The following TDRP variants were observed in gnomAD, a reference collection of about 807,000 sequenced individuals.
TDRP encodes testis development related protein.
TDRP carries 12 observed loss-of-function variants against 10.5 expected under a neutral mutation model. The observed-to-expected ratio is 1.15, with a 90% CI of 0.73 to 1.86. The LOEUF is 1.86. Ranked by LOEUF, TDRP falls within the 40% of genes most tolerant of loss-of-function variation. The probability of loss-of-function intolerance (pLI) is 0.00; values close to 1 mark genes in which losing one functional copy is unlikely to be tolerated. For synonymous variants in TDRP, 139 were observed against 95.4 expected, an observed-to-expected ratio of 1.46 and a Z score of -2.67; for missense variants, 353 against 229.2, an observed-to-expected ratio of 1.54 and a Z score of -3.49.
intron 1 of TDRP, among the ~76,000 whole-genome samples, chr8:540,759 T>G (rs1378462903): frequency 6.6e-6 from 1 of 150,786 alleles, no homozygotes; most frequent in African/African-American, 2.4e-5. Flanking sequence ...TTTTGAATGC[T>G]TCACATTTCA....
chr8:543,304 C>A (rs1038522586), intron 1 of TDRP, among the ~76,000 whole-genome samples: 5 of 151,992 alleles, frequency 3.3e-5, no homozygotes, highest in African/African-American at 1.2e-4. Context: ...CGGGGCAAGA[C>A]CCTGTCTCAA....
chr8:544,337 G>A (rs1250076635), intron 1 of TDRP, among the ~76,000 whole-genome samples: 2 of 151,990 alleles, frequency 1.3e-5, no homozygotes, highest in African/African-American at 2.4e-5. Context: ...ACTGCGCCCC[G>A]AGTAACACGT....
At chr8:503,348 C>T (rs575311364) in intron 1 of TDRP, among the ~76,000 whole-genome samples, 146 of 150,262 alleles carry the variant, frequency 9.7e-4, no homozygotes, top group Middle Eastern at 3.6e-3. Flanking sequence ...CACCTCAGCA[C>T]GTGTCAACAT....
In TDRP at chr8:492,268, C is replaced by T; in HGVS notation, c.*131G>A. Reference sequence around the variant, plus strand: ...TGTGAGAGTTCATTAAATAAAGAAACAGAGGTCCAAATATCAAATATAGGC... The same window carrying T: ...TGTGAGAGTTCATTAAATAAAGAAATAGAGGTCCAAATATCAAATATAGGC... On this transcript the variant is annotated 3_prime_UTR_variant, in exon 3 of 3. Coordinates refer to ENST00000324079, the MANE Select transcript of TDRP (RefSeq NM_001384899.1). 1.5e-6 allele frequency: 2 copies of T among 1,334,246 alleles called. No individual in the cohort carries two copies. The allele number at this position is 1,334,246 out of a possible 1,614,324, so 82.7% of individuals were successfully genotyped here.
chr8:521,228 C>T (rs1801893245), intron 1 of TDRP, among the ~76,000 whole-genome samples: 1 of 143,232 alleles, frequency 7.0e-6, no homozygotes, highest in African/African-American at 2.7e-5. Flanking sequence ...CGGTCAAACC[C>T]CGTCTCTACT....
At chr8:522,511 C>T (rs534481115) in intron 1 of TDRP, among the ~76,000 whole-genome samples, 2 of 152,202 alleles carry the variant, frequency 1.3e-5, no homozygotes, top group South Asian at 2.1e-4. Flanking sequence ...AATCTCAAGT[C>T]GTAAAACATG....
intron 1 of TDRP, among the ~76,000 whole-genome samples, chr8:537,732 G>C (rs1003000732): frequency 1.3e-5 from 2 of 152,164 alleles, no homozygotes; most frequent in South Asian, 2.1e-4. Flanking sequence ...TGAAACAAAA[G>C]AGGACATTTC....
chr8:533,118 T>C (rs1802249952), intron 1 of TDRP, among the ~76,000 whole-genome samples: 1 of 152,188 alleles, frequency 6.6e-6, no homozygotes, highest in Non-Finnish European at 1.5e-5. Context: ...CTGTCTCCCC[T>C]TGTTCTTCCT....
intron 1 of TDRP, among the ~76,000 whole-genome samples, chr8:522,119 T>G (rs1308899228): frequency 6.6e-6 from 1 of 152,200 alleles, no homozygotes; most frequent in Admixed American, 6.5e-5. Flanking sequence ...GTGTTTGGGA[T>G]CTTTAGGGTT....
rs747891534 is a variant in TDRP, at chr8:492,248, G to C, written c.*151C>G. The C allele has an allele frequency of 4.5e-6, 6 of 1,340,692 alleles. No individual in the cohort carries two copies. Among genetic ancestry groups the C allele is most frequent in the Non-Finnish European group, 5.7e-6 (6 of 1,049,750 alleles). The allele number at this position is 1,340,692 out of a possible 1,614,324, so 83.0% of individuals were successfully genotyped here. A position where few individuals can be genotyped will look rare whatever the true frequency, so the allele number is the denominator to read the frequency against. On this transcript the variant is annotated 3_prime_UTR_variant, in exon 3 of 3. Coordinates refer to ENST00000324079, the MANE Select transcript of TDRP (RefSeq NM_001384899.1). ...CACCAAGGAGTCACAGTGTGTGTGA[G>C]AGTTCATTAAATAAAGAAACAGAGG...
At chr8:537,987 A>G (rs1802390282) in intron 1 of TDRP, among the ~76,000 whole-genome samples, 1 of 152,206 alleles carries the variant, frequency 6.6e-6, no homozygotes, top group Non-Finnish European at 1.5e-5. Flanking sequence ...TATATTGTTA[A>G]GTTTTCTTGG....
At chr8:532,978 C>T (rs1802246668) in intron 1 of TDRP, among the ~76,000 whole-genome samples, 1 of 152,166 alleles carries the variant, frequency 6.6e-6, no homozygotes, top group East Asian at 1.9e-4. Flanking sequence ...GACTCCTGCT[C>T]TAGAGCCCTT....
At chr8:533,162 T>C (rs564101218) in intron 1 of TDRP, among the ~76,000 whole-genome samples, 2 of 152,308 alleles carry the variant, frequency 1.3e-5, no homozygotes, top group Admixed American at 1.3e-4. Flanking sequence ...TTATGAGTTC[T>C]GAAGTGGAGA....
At chr8:502,350 A>T (rs1584856399) in intron 1 of TDRP, among the ~76,000 whole-genome samples, 1 of 152,162 alleles carries the variant, frequency 6.6e-6, no homozygotes, top group South Asian at 2.1e-4. Flanking sequence ...ATCAGATGAG[A>T]CCCATCAGGC....
intron 1 of TDRP, among the ~76,000 whole-genome samples, chr8:510,805 G>C (rs990781453): frequency 6.6e-6 from 1 of 152,130 alleles, no homozygotes; most frequent in African/African-American, 2.4e-5. Flanking sequence ...AAAGTGCACC[G>C]GTAATGGTAA....
intron 1 of TDRP, among the ~76,000 whole-genome samples, chr8:520,884 AC>A: frequency 6.6e-6 from 1 of 152,138 alleles, no homozygotes; most frequent in East Asian, 1.9e-4. Flanking sequence ...CCCATTCCAA[AC>A]GTTGCATTTT....
Position 495,822 on chromosome 8 carries a change from G to T in TDRP, c.109-1225C>A, listed in dbSNP as rs180857107. On this transcript the variant is annotated intron_variant, in intron 1 of 2. Coordinates refer to ENST00000324079, the MANE Select transcript of TDRP (RefSeq NM_001384899.1). ...GTGATTGCCAGGTGCAATGTCTGGG[G>T]GTCTCCAGGGTGTAACACAGCCTCA... 4.3e-4 allele frequency among the ~76,000 whole-genome samples: 66 copies of T among 152,298 alleles called. 1 individual carries two copies. The Middle Eastern group carries it at 0.01, about 24-fold the overall frequency.
intron 1 of TDRP, among the ~76,000 whole-genome samples, chr8:500,057 G>C (rs1281505452): frequency 6.6e-6 from 1 of 152,220 alleles, no homozygotes; most frequent in Non-Finnish European, 1.5e-5. Flanking sequence ...AATTCAGAGA[G>C]AAAGTGACAT....
chr8:536,838 G>A (rs73670315), intron 1 of TDRP, among the ~76,000 whole-genome samples: 2 of 152,084 alleles, frequency 1.3e-5, no homozygotes, highest in Non-Finnish European at 2.9e-5. Context: ...AATAAGCAGC[G>A]CCCAGGATCC....
Sources: allele counts gnomAD v4.1 joint callset (sites outside exome capture counted in the v4.1 genomes callset), GRCh38; gene constraint gnomAD v4.1.1; transcripts MANE v1.5; gene names NCBI Gene and HGNC (gene_info 2026-07-23, HGNC 2026-07-21).